Variants in MAGI2 observed in about 807,000 individuals in gnomAD.
MAGI2 encodes the protein membrane-associated guanylate kinase, WW and PDZ domain-containing protein 2.
A neutral mutation model predicts 133.3 loss-of-function variants in MAGI2; 35 were observed. The observed-to-expected ratio is 0.26, with a 90% confidence interval of 0.20 to 0.35. The LOEUF (loss-of-function observed/expected upper bound fraction) is 0.35. MAGI2 is among the 10% of genes least tolerant of loss of function. The pLI, the probability that MAGI2 is intolerant of heterozygous loss-of-function variation, is 1.00. For missense variants in MAGI2, 1,636 were observed against 1,863.4 expected (o/e 0.88, Z 2.25); for synonymous variants, 729 against 710.6 (o/e 1.03, Z -0.41).
intron 1 of MAGI2, among the ~76,000 whole-genome samples, chr7:79,091,515 T>C (rs1276126996): frequency 6.6e-6 from 1 of 152,168 alleles, no homozygotes; most frequent in African/African-American, 2.4e-5. Flanking sequence ...TAAGCAGTTG[T>C]GATAACAGGA....
intron 2 of MAGI2, among the ~76,000 whole-genome samples, chr7:78,918,940 G>GA (rs1282338855): frequency 3.3e-5 from 5 of 152,108 alleles, no homozygotes; most frequent in Admixed American, 6.6e-5. Flanking sequence ...AATTCGGCAA[G>GA]AAAAATAGTG....
chr7:79,379,876 T>C (rs1009560104), intron 1 of MAGI2, among the ~76,000 whole-genome samples: 2 of 151,742 alleles, frequency 1.3e-5, no homozygotes, highest in African/African-American at 4.8e-5. Context: ...TGTTTTTTTC[T>C]TGTAAATTTG....
At chr7:78,932,010 A>C (rs907241844) in intron 2 of MAGI2, among the ~76,000 whole-genome samples, 3 of 151,670 alleles carry the variant, frequency 2.0e-5, no homozygotes, top group Non-Finnish European at 4.4e-5. Context: ...AAAAAAAAAA[A>C]AAAAACCCAC....
At chr7:78,639,777 A>T (rs780919927) in intron 2 of MAGI2, among the ~76,000 whole-genome samples, 5 of 152,184 alleles carry the variant, frequency 3.3e-5, no homozygotes, top group Non-Finnish European at 7.3e-5. Context: ...CTCCCCATTC[A>T]GGCCAGTGTG....
At chr7:78,125,554 A>T in intron 20 of MAGI2, 140 bp downstream of exon 20, 1 of 735,146 alleles carries the variant, frequency 1.4e-6, no homozygotes, top group South Asian at 2.8e-5. Flanking sequence ...CCAGACTTTT[A>T]AGAAACTGGG....
At chr7:78,929,686 G>C (rs929602806) in intron 2 of MAGI2, among the ~76,000 whole-genome samples, 2 of 151,994 alleles carry the variant, frequency 1.3e-5, no homozygotes, top group Admixed American at 6.6e-5. Context: ...TATAAGGACT[G>C]TTGTCATTAC....
chr7:79,133,406 G>A (rs1243045670), intron 1 of MAGI2, among the ~76,000 whole-genome samples: 1 of 152,108 alleles, frequency 6.6e-6, no homozygotes, highest in Non-Finnish European at 1.5e-5. Context: ...ATTAAATAGT[G>A]TGTCCTTTCC....
chr7:78,439,971 T>G (rs1194420436), intron 6 of MAGI2, among the ~76,000 whole-genome samples: 1 of 146,412 alleles, frequency 6.8e-6, no homozygotes, highest in African/African-American at 2.8e-5. Flanking sequence ...TATATTGGAC[T>G]AAATAAATAT....
chr7:78,116,457 T>C (rs1819880458), intron 20 of MAGI2, among the ~76,000 whole-genome samples: 1 of 150,926 alleles, frequency 6.6e-6, no homozygotes, highest in South Asian at 2.1e-4. Flanking sequence ...AAGACAAATA[T>C]GTAAGCTGAC....
intron 16 of MAGI2, among the ~76,000 whole-genome samples, chr7:78,148,143 C>T (rs1436717267): frequency 1.3e-5 from 2 of 152,064 alleles, no homozygotes; most frequent in Non-Finnish European, 2.9e-5. Flanking sequence ...TACCAAAATG[C>T]CCCTCAACTA....
intron 21 of MAGI2, among the ~76,000 whole-genome samples, chr7:78,051,321 GAGGTTGTACAC>G (rs1811982189): frequency 6.6e-6 from 1 of 152,166 alleles, no homozygotes; most frequent in South Asian, 2.1e-4. Context: ...AGTGTGTTAC[GAGGTTGTACAC>G]AGCCCTCTGT....
At chr7:79,254,813 A>G (rs1404360217) in intron 1 of MAGI2, among the ~76,000 whole-genome samples, 1 of 152,236 alleles carries the variant, frequency 6.6e-6, no homozygotes, top group Non-Finnish European at 1.5e-5. Context: ...CACAATAGAA[A>G]GTAAATGCTT....
chr7:78,567,670 C>T (rs908297212), intron 3 of MAGI2, among the ~76,000 whole-genome samples: 6 of 152,172 alleles, frequency 3.9e-5, no homozygotes, highest in Admixed American at 1.3e-4. Flanking sequence ...GCAGTGGCTG[C>T]TCTTTCCCCT....
intron 6 of MAGI2, among the ~76,000 whole-genome samples, chr7:78,446,067 TAAA>T (rs1788103492): frequency 6.8e-6 from 1 of 147,576 alleles, no homozygotes; most frequent in Non-Finnish European, 1.5e-5. Context: ...ATTTCGTCTT[TAAA>T]ATCTAGTAGG....
chr7:78,845,801 T>C (rs1309064264), intron 2 of MAGI2, among the ~76,000 whole-genome samples: 1 of 151,888 alleles, frequency 6.6e-6, no homozygotes, highest in Non-Finnish European at 1.5e-5. Context: ...GTGCTATACC[T>C]ACACAGGAAA....
intron 3 of MAGI2, among the ~76,000 whole-genome samples, chr7:78,526,274 G>C (rs1796942907): frequency 6.6e-6 from 1 of 152,148 alleles, no homozygotes; most frequent in Non-Finnish European, 1.5e-5. Flanking sequence ...GTTTCAAAAG[G>C]GAAAGGCAAA....
intron 2 of MAGI2, among the ~76,000 whole-genome samples, chr7:78,943,225 T>C (rs556660257): frequency 2.6e-5 from 4 of 152,224 alleles, no homozygotes; most frequent in African/African-American, 9.6e-5. Flanking sequence ...CTATGGGATA[T>C]TTGAAGAACA....
chr7:78,338,185 G>C (rs2151170416), intron 9 of MAGI2, among the ~76,000 whole-genome samples: 1 of 152,232 alleles, frequency 6.6e-6, no homozygotes, highest in Admixed American at 6.5e-5. Flanking sequence ...TACCACTTAT[G>C]ATGATCATTT....
At chr7:78,165,332 T>A (rs199844668) in intron 15 of MAGI2, among the ~76,000 whole-genome samples, 1 of 124,066 alleles carries the variant, frequency 8.1e-6, no homozygotes, top group Admixed American at 8.7e-5. Flanking sequence ...CTCAAAAAAA[T>A]TTTTTGCCTT....
Sources: gnomAD v4.1 joint callset for allele counts (sites outside exome capture counted in the v4.1 genomes callset) on GRCh38, gnomAD v4.1.1 for gene constraint, MANE v1.5 for transcripts, NCBI Gene and HGNC (gene_info 2026-07-23, HGNC 2026-07-21) for gene names.